The following TMEM217B variants were observed in gnomAD, a reference collection of about 807,000 sequenced individuals.
TMEM217B encodes the protein putative transmembrane protein 217B.
At chr6:37,241,475 C>G in the TMEM217B span, among the ~76,000 whole-genome samples, 1 of 152,128 alleles carries the variant, frequency 6.6e-6, no homozygotes, top group African/African-American at 2.4e-5. Context: ...CTTCCCTCCT[C>G]CAACCTCAGT....
chr6:37,247,569 G>T, the TMEM217B span, among the ~76,000 whole-genome samples: 1 of 151,928 alleles, frequency 6.6e-6, no homozygotes, highest in African/African-American at 2.4e-5. Flanking sequence ...TGTATTTTTG[G>T]TAGAGATGGG....
At chr6:37,218,070 A>T in the TMEM217B span, 2 of 1,005,740 alleles carry the variant, frequency 2.0e-6, no homozygotes, top group East Asian at 1.0e-4. Context: ...GTGGGGGGAA[A>T]AAAGGAAATA....
chr6:37,220,952 A>G, the TMEM217B span, among the ~76,000 whole-genome samples: 1 of 152,068 alleles, frequency 6.6e-6, no homozygotes, highest in Non-Finnish European at 1.5e-5. Context: ...TATATATAAT[A>G]TATATACAAG....
At chr6:37,248,947 C>T in the TMEM217B span, among the ~76,000 whole-genome samples, 1 of 152,170 alleles carries the variant, frequency 6.6e-6, no homozygotes, top group Admixed American at 6.5e-5. Flanking sequence ...TTTCCTGACC[C>T]TTCTGGGTTC....
chr6:37,230,625 GA>G, the TMEM217B span, among the ~76,000 whole-genome samples: 1 of 151,900 alleles, frequency 6.6e-6, no homozygotes, highest in Admixed American at 6.6e-5. Flanking sequence ...ACAAAATAAG[GA>G]AAAAAGCCTC....
the TMEM217B span, among the ~76,000 whole-genome samples, chr6:37,214,566 T>C: frequency 1.3e-5 from 2 of 152,080 alleles, no homozygotes; most frequent in Non-Finnish European, 2.9e-5. Flanking sequence ...AAAATCTCTG[T>C]ACCCATTATA....
At chr6:37,215,829 G>A in the TMEM217B span, among the ~76,000 whole-genome samples, 1 of 152,078 alleles carries the variant, frequency 6.6e-6, no homozygotes, top group Non-Finnish European at 1.5e-5. Flanking sequence ...AACACAAAGG[G>A]GTAGGCACAG....
chr6:37,214,382 C>T, the TMEM217B span, among the ~76,000 whole-genome samples: 1 of 152,182 alleles, frequency 6.6e-6, no homozygotes, highest in Non-Finnish European at 1.5e-5. Flanking sequence ...CGTGCGCCAG[C>T]ATGCCCAGCT....
At chr6:37,217,866 T>C in the TMEM217B span, 1 of 985,864 alleles carries the variant, frequency 1.0e-6, no homozygotes, top group Non-Finnish European at 1.2e-6. Context: ...TTCAGCTTCA[T>C]CTTATTCCAT....
chr6:37,218,069 A>T, the TMEM217B span: 1 of 1,004,902 alleles, frequency 1.0e-6, no homozygotes, highest in Middle Eastern at 5.0e-4. Flanking sequence ...AGTGGGGGGA[A>T]AAAAGGAAAT....
At chr6:37,236,530 A>C in the TMEM217B span, among the ~76,000 whole-genome samples, 1 of 152,088 alleles carries the variant, frequency 6.6e-6, no homozygotes, top group African/African-American at 2.4e-5. Context: ...CATTATAGGG[A>C]GGGTATCAAG....
chr6:37,248,287 G>T, the TMEM217B span, among the ~76,000 whole-genome samples: 1 of 152,088 alleles, frequency 6.6e-6, no homozygotes, highest in Non-Finnish European at 1.5e-5. Flanking sequence ...ATATAGTTTA[G>T]TGCCAGGAAT....
chr6:37,212,650 A>G, the TMEM217B span: 1 of 557,060 alleles, frequency 1.8e-6, no homozygotes, highest in Non-Finnish European at 3.4e-6. Context: ...GATCCCGTTG[A>G]GGAGCAGGAC....
chr6:37,244,683 A>G, the TMEM217B span, among the ~76,000 whole-genome samples: 2 of 152,328 alleles, frequency 1.3e-5, no homozygotes, highest in South Asian at 2.1e-4. Flanking sequence ...TCACAATAAC[A>G]TCACATAAAC....
the TMEM217B span, among the ~76,000 whole-genome samples, chr6:37,228,279 T>C: frequency 1.2e-4 from 18 of 152,236 alleles, no homozygotes; most frequent in South Asian, 8.3e-4. Context: ...GTAGAGATTG[T>C]AGCAATTAGG....
chr6:37,238,169 A>AC, the TMEM217B span, among the ~76,000 whole-genome samples: 1 of 149,832 alleles, frequency 6.7e-6, no homozygotes, highest in Non-Finnish European at 1.5e-5. Context: ...AAAACACTGA[A>AC]AAAAAAAAAC....
At chr6:37,254,477 C>G in the TMEM217B span, among the ~76,000 whole-genome samples, 1 of 152,160 alleles carries the variant, frequency 6.6e-6, no homozygotes, top group Non-Finnish European at 1.5e-5. Context: ...TCCTTTGAAG[C>G]TGCAAAAGAG....
chr6:37,254,260 T>G, the TMEM217B span, among the ~76,000 whole-genome samples: 1 of 152,204 alleles, frequency 6.6e-6, no homozygotes, highest in Non-Finnish European at 1.5e-5. Context: ...TAGGAAGCAC[T>G]GGTCTAGTGG....
At chr6:37,213,070 G>A in the TMEM217B span, 1 of 1,002,978 alleles carries the variant, frequency 1.0e-6, no homozygotes, top group South Asian at 1.6e-5. Context: ...CAAGTCACTA[G>A]ATATAAATCA....
Sources: gnomAD v4.1 joint callset for allele counts (sites outside exome capture counted in the v4.1 genomes callset) on GRCh38, gnomAD v4.1.1 for gene constraint, MANE v1.5 for transcripts, NCBI Gene and HGNC (gene_info 2026-07-23, HGNC 2026-07-21) for gene names.